The following FAF1 variants were observed in gnomAD, a reference collection of about 807,000 sequenced individuals.
The protein encoded by FAF1 is FAS-associated factor 1.
A neutral mutation model predicts 92.5 loss-of-function variants in FAF1; 25 were observed. The observed-to-expected ratio is 0.27, with a 90% CI of 0.20 to 0.38. The LOEUF (loss-of-function observed/expected upper bound fraction) is 0.38. FAF1 is among the 10% of genes least tolerant of loss of function. FAF1 has a pLI of 1.00. For missense variants in FAF1, 636 were observed against 793.3 expected (o/e 0.80, Z 2.38); for synonymous variants, 234 against 273.2 (o/e 0.86, Z 1.42).
At chr1:50,849,637 T>C (rs1644331468) in intron 2 of FAF1, among the ~76,000 whole-genome samples, 1 of 152,180 alleles carries the variant, frequency 6.6e-6, no homozygotes, top group East Asian at 1.9e-4. Flanking sequence ...ACAGAATGAC[T>C]GACTATATAG....
At chr1:50,689,690 C>CAAGT (rs1450433581) in intron 7 of FAF1, among the ~76,000 whole-genome samples, 2 of 151,006 alleles carry the variant, frequency 1.3e-5, no homozygotes, top group African/African-American at 4.8e-5. Context: ...GGAAGTAACC[C>CAAGT]AAGTATCCAT....
At chr1:50,734,775 C>T (rs971213795) in intron 6 of FAF1, among the ~76,000 whole-genome samples, 2 of 151,134 alleles carry the variant, frequency 1.3e-5, no homozygotes, top group Non-Finnish European at 2.9e-5. Flanking sequence ...TGTAGTAGTA[C>T]AGAGACATAT....
chr1:50,822,743 G>GTT (rs757343855), intron 2 of FAF1, among the ~76,000 whole-genome samples: 37 of 141,322 alleles, frequency 2.6e-4, no homozygotes, highest in South Asian at 6.7e-4. Context: ...TTTTTTTGGT[G>GTT]TTTTTTCTTT....
At chr1:50,668,224 T>C (rs369603599) in intron 7 of FAF1, among the ~76,000 whole-genome samples, 43 of 152,322 alleles carry the variant, frequency 2.8e-4, no homozygotes, top group African/African-American at 8.9e-4. Flanking sequence ...TGGGAACAAC[T>C]AGGCCAGTGT....
intron 8 of FAF1, among the ~76,000 whole-genome samples, chr1:50,634,407 C>G (rs1350807473): frequency 6.6e-6 from 1 of 152,154 alleles, no homozygotes; most frequent in East Asian, 1.9e-4. Flanking sequence ...ATTTCCATTG[C>G]TCAAGAAAAT....
intron 7 of FAF1, among the ~76,000 whole-genome samples, chr1:50,659,639 T>A (rs1487679183): frequency 6.6e-6 from 1 of 152,172 alleles, no homozygotes; most frequent in Non-Finnish European, 1.5e-5. Flanking sequence ...ACCTTCATGA[T>A]CTTTTCAATT....
intron 1 of FAF1, among the ~76,000 whole-genome samples, chr1:50,915,451 C>A (rs1387929346): frequency 3.3e-5 from 5 of 151,428 alleles, no homozygotes; most frequent in African/African-American, 7.3e-5. Flanking sequence ...ATCCCTGAAC[C>A]ATGTTAGGAT....
chr1:50,479,344 CT>C (rs1646674087), intron 17 of FAF1, among the ~76,000 whole-genome samples: 2 of 152,142 alleles, frequency 1.3e-5, no homozygotes, highest in African/African-American at 4.8e-5. Context: ...GATTCACATG[CT>C]AATTATGGTT....
chr1:50,786,920 G>A (rs767630059), intron 4 of FAF1, among the ~76,000 whole-genome samples: 21 of 152,162 alleles, frequency 1.4e-4, no homozygotes, highest in Non-Finnish European at 2.9e-4. Flanking sequence ...TAGTGTTTGG[G>A]AATGAACTGT....
chr1:50,905,516 T>A (rs1233655163), intron 1 of FAF1, among the ~76,000 whole-genome samples: 1 of 152,210 alleles, frequency 6.6e-6, no homozygotes, highest in African/African-American at 2.4e-5. Flanking sequence ...GTAAAAGTAT[T>A]CCTATTTCTC....
At chr1:50,820,793 G>A (rs1374093972) in intron 2 of FAF1, among the ~76,000 whole-genome samples, 1 of 151,952 alleles carries the variant, frequency 6.6e-6, no homozygotes, top group African/African-American at 2.4e-5. Context: ...ATGTCTTCCA[G>A]CTTCTTCCAT....
At chr1:50,584,586 G>A in intron 10 of FAF1, 99 bp downstream of exon 10, 4 of 1,148,376 alleles carry the variant, frequency 3.5e-6, no homozygotes, top group East Asian at 2.5e-5. Flanking sequence ...CCTCAAACCT[G>A]GAGGTCAGTA....
chr1:50,652,640 A>C (rs1287806422), intron 8 of FAF1, among the ~76,000 whole-genome samples: 1 of 152,232 alleles, frequency 6.6e-6, no homozygotes, highest in African/African-American at 2.4e-5. Context: ...AAGTTGAGAG[A>C]ACAGTATAAT....
chr1:50,742,744 C>T (rs1370753804), intron 5 of FAF1, among the ~76,000 whole-genome samples: 1 of 152,074 alleles, frequency 6.6e-6, no homozygotes, highest in African/African-American at 2.4e-5. Flanking sequence ...CAAAAGCGAA[C>T]TCATTTTGGT....
At chr1:50,924,595 A>G (rs1644989497) in intron 1 of FAF1, among the ~76,000 whole-genome samples, 1 of 152,246 alleles carries the variant, frequency 6.6e-6, no homozygotes, top group Admixed American at 6.5e-5. Flanking sequence ...TAGACCCTGA[A>G]TAGCCAAAGC....
chr1:50,688,340 G>C (rs1656765539), intron 7 of FAF1, among the ~76,000 whole-genome samples: 1 of 151,962 alleles, frequency 6.6e-6, no homozygotes, highest in East Asian at 1.9e-4. Context: ...CATTTCTTGG[G>C]TGTATACGTA....
chr1:50,468,406 C>T (rs545451259), intron 18 of FAF1, among the ~76,000 whole-genome samples: 1 of 151,918 alleles, frequency 6.6e-6, no homozygotes, highest in African/African-American at 2.4e-5. Context: ...AATTCTCGTG[C>T]CTCAGCCTCC....
intron 4 of FAF1, among the ~76,000 whole-genome samples, chr1:50,760,077 T>C (rs1660260813): frequency 6.6e-6 from 1 of 151,474 alleles, no homozygotes; most frequent in Non-Finnish European, 1.5e-5. Context: ...AGTAGGTTGC[T>C]CTTTGTCAGA....
chr1:50,906,518 ATGTTCTTCCATT>A (rs1644840192), intron 1 of FAF1, among the ~76,000 whole-genome samples: 1 of 152,156 alleles, frequency 6.6e-6, no homozygotes, highest in African/African-American at 2.4e-5. Context: ...TAAGCATGGA[ATGTTCTTCCATT>A]TGTTTGTATC....
Sources: allele counts gnomAD v4.1 joint callset (sites outside exome capture counted in the v4.1 genomes callset), GRCh38; gene constraint gnomAD v4.1.1; transcripts MANE v1.5; gene names NCBI Gene and HGNC (gene_info 2026-07-23, HGNC 2026-07-21).